Variants in FOXJ3 observed in about 807,000 individuals in gnomAD.
FOXJ3 encodes forkhead box J3.
A neutral mutation model predicts 76.1 loss-of-function variants in FOXJ3; 22 were observed. The ratio of observed to expected loss-of-function variants is 0.29; its 90% confidence interval spans 0.21 to 0.41. The LOEUF (loss-of-function observed/expected upper bound fraction) is 0.41, where lower values mean the gene tolerates loss of function less well. Among genes scored for constraint, FOXJ3 ranks in the 10% least tolerant of loss-of-function variants. FOXJ3 has a pLI of 1.00. For synonymous variants in FOXJ3, 269 were observed against 261.2 expected, an observed-to-expected ratio of 1.03 and a Z score of -0.29; for missense variants, 613 against 762.1, an observed-to-expected ratio of 0.80 and a Z score of 2.30.
chr1:42,249,912 GTTA>G (rs1042462265), intron 4 of FOXJ3, among the ~76,000 whole-genome samples: 3 of 152,164 alleles, frequency 2.0e-5, no homozygotes, highest in Non-Finnish European at 4.4e-5. Context: ...TCCTTTCCGA[GTTA>G]TTATACTGAA....
rs1193385267 is a variant in FOXJ3, at chr1:42,191,452, G to A, written c.1202C>T (p.Ala401Val). 2 of 1,613,472 alleles carry A rather than the reference G, an allele frequency of 1.2e-6. No individual in the cohort carries two copies. Among genetic ancestry groups the A allele is most frequent in the African/African-American group, 2.7e-5 (2 of 74,880 alleles). Residue 401 changes from alanine (A) to valine (V), a missense_variant, in exon 9 of 13, where the codon GCA becomes GTA. Ala to Val is a moderately conservative substitution (Grantham distance 64). Transcript: ENST00000361346. Reference sequence around the variant, plus strand: ...CTGGCTGTGTTGCTGTGGGTGTGGTGCTGGGTGTGGGGAACGCTGCGGATG... The same window carrying A: ...CTGGCTGTGTTGCTGTGGGTGTGGTACTGGGTGTGGGGAACGCTGCGGATG... Reference protein sequence around the residue: ...PQHPQRSPHPAPHPQQHSQLQ... With the variant: ...PQHPQRSPHPVPHPQQHSQLQ...
At chr1:42,231,677 ATT>A (rs774044940) in intron 4 of FOXJ3, among the ~76,000 whole-genome samples, 119 of 152,164 alleles carry the variant, frequency 7.8e-4, no homozygotes, top group Admixed American at 3.1e-3. Flanking sequence ...AGCCGTTTCT[ATT>A]TTTATTTTTT....
intron 8 of FOXJ3, among the ~76,000 whole-genome samples, chr1:42,192,322 C>A (rs1375747968): frequency 1.3e-5 from 2 of 152,146 alleles, no homozygotes; most frequent in African/African-American, 4.8e-5. Flanking sequence ...GCACGTCCAG[C>A]ACAAATATCT....
chr1:42,270,660 C>A (rs1269882843), intron 3 of FOXJ3, among the ~76,000 whole-genome samples: 1 of 152,082 alleles, frequency 6.6e-6, no homozygotes, highest in Admixed American at 6.6e-5. Flanking sequence ...CCTAATCAAT[C>A]AATATGATGA....
intron 9 of FOXJ3, 179 bp from the exon 10 acceptor site, chr1:42,189,583 A>G: frequency 2.0e-6 from 1 of 503,738 alleles, no homozygotes; most frequent in Non-Finnish European, 3.6e-6. Context: ...GCAGAAAGGT[A>G]TTATTTCTCT....
intron 5 of FOXJ3, among the ~76,000 whole-genome samples, chr1:42,226,084 A>T (rs556781541): frequency 2.0e-5 from 3 of 152,318 alleles, no homozygotes; most frequent in Admixed American, 2.0e-4. Context: ...TGTGTTTTTT[A>T]AAATGTGAAT....
intron 4 of FOXJ3, among the ~76,000 whole-genome samples, chr1:42,254,161 A>C (rs1650368298): frequency 6.6e-6 from 1 of 152,306 alleles, no homozygotes; most frequent in Middle Eastern, 3.4e-3. Context: ...GAAGGATATG[A>C]ACAGACACTC....
intron 4 of FOXJ3, 138 bp from the exon 5 acceptor site, chr1:42,228,104 A>G (rs1647727209): frequency 2.4e-6 from 1 of 417,640 alleles, no homozygotes; most frequent in African/African-American, 2.0e-5. Context: ...CTTGTTTTGA[A>G]CTGAGAAAAA....
In FOXJ3 at chr1:42,216,206, T is replaced by C. The variant is rs117009519; in HGVS notation, c.529-10343A>G. ...AAACAAATGAAAGCACCAGAAATGG[T>C]AGACACTGGCTAAATATAAAAGACT... On this transcript the variant is annotated intron_variant, in intron 5 of 12. Coordinates refer to ENST00000361346, the MANE Select transcript of FOXJ3 (RefSeq NM_014947.5). Among the ~76,000 whole-genome samples the C allele has an allele frequency of 7.0e-4, 107 of 152,174 alleles. 1 individual carries two copies. In the East Asian group the frequency reaches 0.018, roughly 26 times the overall value.
At chr1:42,214,580 A>G (rs1006632121) in intron 5 of FOXJ3, among the ~76,000 whole-genome samples, 23 of 152,020 alleles carry the variant, frequency 1.5e-4, no homozygotes, top group South Asian at 4.1e-4. Context: ...TTATGGTGAG[A>G]AAAAAAATAG....
intron 6 of FOXJ3, among the ~76,000 whole-genome samples, chr1:42,201,104 T>A (rs1018048617): frequency 1.9e-5 from 1 of 53,356 alleles, no homozygotes; most frequent in Non-Finnish European, 4.5e-5. Flanking sequence ...AGAAATAAAA[T>A]TGATTTCTGA....
intron 11 of FOXJ3, among the ~76,000 whole-genome samples, 192 bp downstream of exon 11, chr1:42,188,543 CAT>C (rs1300937575): frequency 6.6e-6 from 1 of 152,092 alleles, no homozygotes; most frequent in Non-Finnish European, 1.5e-5. Context: ...AACAGAAAAA[CAT>C]AGTCTCATTA....
chr1:42,215,655 A>G (rs1569896605), intron 5 of FOXJ3, among the ~76,000 whole-genome samples: 1 of 152,370 alleles, frequency 6.6e-6, no homozygotes, highest in South Asian at 2.1e-4. Context: ...AACCACACTT[A>G]GATACATCAT....
chr1:42,219,892 C>T (rs1647145681), intron 5 of FOXJ3, among the ~76,000 whole-genome samples: 1 of 152,182 alleles, frequency 6.6e-6, no homozygotes, highest in Admixed American at 6.5e-5. Context: ...GCATTGCAGC[C>T]TGGGCAACAG....
intron 2 of FOXJ3, among the ~76,000 whole-genome samples, chr1:42,291,639 GA>G (rs200954686): frequency 1.3e-5 from 2 of 150,316 alleles, no homozygotes; most frequent in Non-Finnish European, 3.0e-5. Flanking sequence ...CATCTCTAAA[GA>G]AAAAAAAAAT....
At chr1:42,230,025 C>T (rs1193190945) in intron 4 of FOXJ3, among the ~76,000 whole-genome samples, 1 of 152,110 alleles carries the variant, frequency 6.6e-6, no homozygotes, top group Non-Finnish European at 1.5e-5. Context: ...ATAGATAACT[C>T]TTCTTCCACA....
chr1:42,199,035 T>G, intron 7 of FOXJ3, 67 bp downstream of exon 7: 1 of 1,269,900 alleles, frequency 7.9e-7, no homozygotes, highest in Non-Finnish European at 1.1e-6. Context: ...TGCATTTCAA[T>G]TATGTTTGGT....
intron 5 of FOXJ3, among the ~76,000 whole-genome samples, chr1:42,216,996 G>A (rs1191437274): frequency 6.6e-6 from 1 of 152,064 alleles, no homozygotes; most frequent in Non-Finnish European, 1.5e-5. Context: ...GGCTAAAAAA[G>A]CAAGACTGAT....
intron 2 of FOXJ3, among the ~76,000 whole-genome samples, chr1:42,289,222 T>C (rs58981635): frequency 0.021 from 3,174 of 151,640 alleles, 99 homozygotes; most frequent in African/African-American, 0.073. Flanking sequence ...TGTTTCTTAA[T>C]ATATATAATT....
Sources: gnomAD v4.1 joint callset for allele counts (sites outside exome capture counted in the v4.1 genomes callset) on GRCh38, gnomAD v4.1.1 for gene constraint, MANE v1.5 for transcripts, NCBI Gene and HGNC (gene_info 2026-07-23, HGNC 2026-07-21) for gene names.